The following GUCY2F variants were observed in gnomAD, a reference collection of about 807,000 sequenced individuals.
The protein encoded by GUCY2F is retinal guanylyl cyclase 2.
A neutral mutation model predicts 73.1 loss-of-function variants in GUCY2F; 61 were observed. The observed-to-expected ratio is 0.83, with a 90% CI of 0.68 to 1.03. The LOEUF (loss-of-function observed/expected upper bound fraction) is 1.03. GUCY2F is among the 50% of genes least tolerant of loss of function. GUCY2F has a pLI of 0.00. For missense variants in GUCY2F, 912 were observed against 854.3 expected (o/e 1.07, Z -0.84); for synonymous variants, 331 against 307.8 (o/e 1.08, Z -0.79).
rs1930347143 is a variant in GUCY2F at position 109,382,708 on chromosome X, G to T, written c.3056-496C>A. The stretch of plus-strand genomic sequence containing the variant: ...AAAACATCAATGAGAAATATCCCAA[G>T]AACTCTTTCAACAAATATTTTATGA... On this transcript the variant is annotated intron_variant, in intron 16 of 19. Coordinates refer to ENST00000218006, the MANE Select transcript of GUCY2F (RefSeq NM_001522.3). Among the ~76,000 whole-genome samples the T allele has an allele frequency of 1.8e-5, 2 of 112,043 alleles. 1 individual carries two copies. The highest frequency in any genetic ancestry group is 7.4e-4 in the South Asian group (2 of 2,705).
chrX:109,474,261 T>C (rs751798637), intron 2 of GUCY2F, among the ~76,000 whole-genome samples: 5 of 112,132 alleles, frequency 4.5e-5, no homozygotes, highest in Non-Finnish European at 9.4e-5. Context: ...GTTTCTGAGA[T>C]ATCCATCCTA....
At chrX:109,381,671 T>C (rs1930313324) in intron 17 of GUCY2F, among the ~76,000 whole-genome samples, 1 of 112,337 alleles carries the variant, frequency 8.9e-6, no homozygotes, top group Admixed American at 9.4e-5. Flanking sequence ...TCTCTGCAAA[T>C]AGTGTGCCAA....
intron 5 of GUCY2F, among the ~76,000 whole-genome samples, chrX:109,449,683 G>T (rs191545170): frequency 0.024 from 2,729 of 111,762 alleles, 92 homozygotes; most frequent in African/African-American, 0.084. Flanking sequence ...TTATAGAGTT[G>T]TTTTGAAAAT....
At chrX:109,478,480 A>G (rs1932738812) in intron 1 of GUCY2F, among the ~76,000 whole-genome samples, 1 of 112,546 alleles carries the variant, frequency 8.9e-6, no homozygotes, top group Admixed American at 9.3e-5. Context: ...GGACAGCTCT[A>G]TATGGGAAAC....
At position 109,382,290 on chromosome X, in the gene GUCY2F, G is replaced by A. The variant is rs1603378605; in HGVS notation, c.3056-78C>T. On this transcript the variant is annotated intron_variant, in intron 16 of 19. Transcript: ENST00000218006. The stretch of plus-strand genomic sequence containing the variant: ...ATGAGAAAATGTCAATGTAATAAAT[G>A]TCTTCACTTGTAAATGAACTAGACC... 8.8e-6 allele frequency: 5 copies of A among 571,163 alleles called. No homozygotes were observed. In the East Asian group the frequency reaches 1.7e-4, roughly 19 times the overall value. 47.1% of individuals were successfully genotyped at this position (571,163 alleles called of 1,213,427 possible). A position where few individuals can be genotyped will look rare whatever the true frequency, so the allele number is the denominator to read the frequency against.
At chrX:109,444,166 C>T (rs746454574) in intron 6 of GUCY2F, among the ~76,000 whole-genome samples, 1 of 111,929 alleles carries the variant, frequency 8.9e-6, no homozygotes, top group Non-Finnish European at 1.9e-5. Context: ...GCCACAGTGA[C>T]AGTTTTGGCT....
At chrX:109,447,474 A>G (rs1226485210) in intron 6 of GUCY2F, among the ~76,000 whole-genome samples, 1 of 110,244 alleles carries the variant, frequency 9.1e-6, no homozygotes, top group African/African-American at 3.3e-5. Context: ...TGTCCTTTGT[A>G]GGGACATGGA....
In GUCY2F at chrX:109,392,023, A is replaced by G; in HGVS notation, c.2669T>C (p.Ile890Thr). The G allele has an allele frequency of 1.7e-6, 2 of 1,207,877 alleles. No individual in the cohort carries two copies. The highest frequency in any genetic ancestry group is 2.2e-6 in the Non-Finnish European group (2 of 892,371). ...GGCTGAAATGGTTGTGAAGCCCACA[A>G]TGTCGCTGAAGTACAAGGTGACCAA... ...FDLVTLYFSD[I>T]VGFTTISAMS... Residue 890 changes from isoleucine to threonine, a missense_variant, in exon 14 of 20, where the codon ATT (isoleucine) becomes ACT (threonine). Coordinates refer to ENST00000218006, the MANE Select transcript of GUCY2F (RefSeq NM_001522.3).
chrX:109,468,012 G>C (rs1450980044), intron 2 of GUCY2F, among the ~76,000 whole-genome samples: 1 of 111,933 alleles, frequency 8.9e-6, no homozygotes, highest in African/African-American at 3.2e-5. Context: ...GGTCATACCA[G>C]CTCTAGAGCT....
At chrX:109,425,541 A>T (rs1931466302) in intron 8 of GUCY2F, among the ~76,000 whole-genome samples, 1 of 109,899 alleles carries the variant, frequency 9.1e-6, no homozygotes. Context: ...TAAGTGAAGT[A>T]GCTTAGGAAT....
intron 7 of GUCY2F, among the ~76,000 whole-genome samples, chrX:109,440,038 T>C (rs1338870199): frequency 1.8e-5 from 2 of 112,444 alleles, no homozygotes; most frequent in Non-Finnish European, 3.8e-5. Context: ...AGGTATTTTT[T>C]TGTAACAACC....
intron 11 of GUCY2F, among the ~76,000 whole-genome samples, chrX:109,396,668 C>T (rs1417561155): frequency 1.8e-5 from 2 of 112,247 alleles, no homozygotes; most frequent in South Asian, 3.7e-4. Context: ...GGCTATAACA[C>T]TCCAACAGTG....
chrX:109,461,616 G>A (rs1308004745), intron 3 of GUCY2F, among the ~76,000 whole-genome samples: 4 of 111,992 alleles, frequency 3.6e-5, no homozygotes, highest in Non-Finnish European at 7.5e-5. Flanking sequence ...TGATGTGCTA[G>A]TAAGTGTTTG....
At chrX:109,385,460 C>A (rs1420547363) in intron 15 of GUCY2F, among the ~76,000 whole-genome samples, 178 bp from the exon 16 acceptor site, 2 of 112,432 alleles carry the variant, frequency 1.8e-5, no homozygotes, top group African/African-American at 6.5e-5. Context: ...TACAAGAAAG[C>A]AAATTTATAA....
At chrX:109,477,721 G>A (rs768830323) in intron 1 of GUCY2F, among the ~76,000 whole-genome samples, 5 of 112,053 alleles carry the variant, frequency 4.5e-5, no homozygotes, top group East Asian at 2.8e-4. Context: ...GATAATCAGC[G>A]CTGGTGTGCA....
In GUCY2F at chrX:109,388,479, T is replaced by C; in HGVS notation, c.2956+10A>G. On this transcript the variant is annotated intron_variant, in intron 15 of 19. Transcript: ENST00000218006. The stretch of plus-strand genomic sequence containing the variant: ...TTAGAATGTTTCCTCTTACTTTAAC[T>C]GGTTATTACCTGAGTGAAGGCCAAT... 1.7e-6 allele frequency: 2 copies of C among 1,178,285 alleles called. No homozygotes were observed. The highest frequency in any genetic ancestry group is 2.3e-6 in the Non-Finnish European group (2 of 868,034).
intron 16 of GUCY2F, among the ~76,000 whole-genome samples, chrX:109,384,968 G>A (rs1171837924): frequency 8.9e-6 from 1 of 111,811 alleles, no homozygotes; most frequent in Admixed American, 9.5e-5. Flanking sequence ...TCTAGAGAAA[G>A]AAAGGTACAT....
In GUCY2F at chrX:109,453,697, T is replaced by A; in HGVS notation, c.1195A>T (p.Asn399Tyr). The A allele has an allele frequency of 8.3e-7, 1 of 1,206,852 alleles. No homozygotes were observed. Among genetic ancestry groups the A allele is most frequent in the Non-Finnish European group, 1.1e-6 (1 of 891,065 alleles). ...GFNQLMRTDS[N>Y]GNGISEYVIL... The stretch of plus-strand genomic sequence containing the variant: ...ACATATTCTGAAATTCCATTTCCAT[T>A]TGAATCTGTCCTCATCAACTGGTTG... Residue 399 changes from asparagine (N) to tyrosine (Y), a missense_variant, in exon 4 of 20, where the codon AAT becomes TAT. Coordinates refer to ENST00000218006, the MANE Select transcript of GUCY2F (RefSeq NM_001522.3).
At chrX:109,390,338 C>G (rs193057457) in intron 14 of GUCY2F, among the ~76,000 whole-genome samples, 79 of 111,536 alleles carry the variant, frequency 7.1e-4, no homozygotes, top group Non-Finnish European at 6.4e-4. Flanking sequence ...TCTACAGTAG[C>G]CTTCTCACTT....
Sources: gnomAD v4.1 joint callset for allele counts (sites outside exome capture counted in the v4.1 genomes callset) on GRCh38, gnomAD v4.1.1 for gene constraint, MANE v1.5 for transcripts, NCBI Gene and HGNC (gene_info 2026-07-23, HGNC 2026-07-21) for gene names.